The following UACA variants were observed in gnomAD, a reference collection of about 807,000 sequenced individuals.
UACA encodes the protein uveal autoantigen with coiled-coil domains and ankyrin repeats.
A neutral mutation model predicts 160.5 loss-of-function variants in UACA; 112 were observed. That is an observed-to-expected ratio of 0.70 (90% confidence interval 0.60 to 0.82). The LOEUF (loss-of-function observed/expected upper bound fraction) is 0.82, where lower values mean the gene tolerates loss of function less well. UACA is among the 40% of genes least tolerant of loss of function. UACA has a pLI of 0.00. For missense variants in UACA, 1,574 were observed against 1,614.6 expected, an observed-to-expected ratio of 0.97 and a Z score of 0.43; for synonymous variants, 557 against 568.4, an observed-to-expected ratio of 0.98 and a Z score of 0.29.
Position 70,690,491 on chromosome 15 carries a change from A to T in UACA, c.387T>A (p.His129Gln). ...KLLQYNCPTE[H>Q]ADLQGRTALH... ...GTGCAGTTCTTCCCTGCAGGTCTGC[A>T]TGCTCAGTGGGACAATTGTACTGTT... The change falls in exon 5 of 19, where the codon CAT (histidine) becomes CAA (glutamine). Residue 129 changes from histidine (H) to glutamine (Q), a missense_variant. By Grantham distance (24) the His-to-Gln change is conservative. Coordinates refer to ENST00000322954, the MANE Select transcript of UACA (RefSeq NM_018003.4). 6.2e-7 allele frequency: 1 copy of T among 1,613,156 alleles called. No individual in the cohort carries two copies. Among genetic ancestry groups the T allele is most frequent in the South Asian group, 1.1e-5 (1 of 90,950 alleles).
upstream of UACA, among the ~76,000 whole-genome samples, chr15:70,764,471 GTCT>G (rs2030952094): frequency 6.6e-6 from 1 of 152,172 alleles, no homozygotes; most frequent in Non-Finnish European, 1.5e-5. Flanking sequence ...ATCTTCAAAA[GTCT>G]TCTTTGGAGT....
chr15:70,664,999 T>C, intron 16 of UACA, 185 bp from the exon 17 acceptor site: 1 of 443,606 alleles, frequency 2.3e-6, no homozygotes, highest in Non-Finnish European at 3.9e-6. Flanking sequence ...ATTAAATCCC[T>C]CTCCAGAAAT....
chr15:70,676,642 G>C, intron 12 of UACA, 51 bp from the exon 13 acceptor site: 1 of 1,467,724 alleles, frequency 6.8e-7, no homozygotes, highest in Non-Finnish European at 9.5e-7. Flanking sequence ...CTTGGAATTG[G>C]ATTAAAAATG....
chr15:70,757,435 A>C, intron 1 of UACA, among the ~76,000 whole-genome samples: 2 of 152,330 alleles, frequency 1.3e-5, no homozygotes, highest in South Asian at 4.1e-4. Flanking sequence ...TAGGAGCTGT[A>C]AAGTTATGAT....
At chr15:70,678,342 T>C in intron 10 of UACA, 136 bp from the exon 11 acceptor site, 1 of 521,906 alleles carries the variant, frequency 1.9e-6, no homozygotes, top group Non-Finnish European at 3.3e-6. Flanking sequence ...ATACAATAAT[T>C]TCAATGATAT....
intron 1 of UACA, among the ~76,000 whole-genome samples, chr15:70,714,875 C>T (rs1898781130): frequency 6.6e-6 from 1 of 152,152 alleles, no homozygotes; most frequent in African/African-American, 2.4e-5. Context: ...TGTGGCTTCT[C>T]CACGTTTAAC....
intron 1 of UACA, among the ~76,000 whole-genome samples, chr15:70,744,200 G>A (rs1433374800): frequency 2.1e-5 from 3 of 139,876 alleles, no homozygotes; most frequent in Non-Finnish European, 4.5e-5. Context: ...AGTGAGTTGA[G>A]ATTACGCCAC....
In UACA at chr15:70,763,470, G is replaced by C. The variant is rs1259925145; in HGVS notation, c.-63C>G. On this transcript the variant is annotated 5_prime_UTR_variant, in exon 1 of 19. Transcript: ENST00000322954. ...GCTGCGGAGTGCCAGCGCGCAAGGA[G>C]TAGACGGCAGCGGCTGCAGCAGAGG... 5.5e-6 allele frequency: 7 copies of C among 1,266,544 alleles called. No individual in the cohort carries two copies. Among genetic ancestry groups the C allele is most frequent in the Non-Finnish European group, 7.0e-6 (7 of 997,912 alleles). The allele number at this position is 1,266,544 out of a possible 1,614,324, so 78.5% of individuals were successfully genotyped here.
intron 1 of UACA, chr15:70,703,378 A>G: frequency 1.2e-6 from 1 of 856,068 alleles, no homozygotes; most frequent in South Asian, 1.8e-5. Context: ...TACTTCCACA[A>G]GAAATCTGTT....
intron 1 of UACA, among the ~76,000 whole-genome samples, chr15:70,723,655 C>T (rs1899059112): frequency 1.4e-5 from 2 of 144,562 alleles, no homozygotes; most frequent in Admixed American, 7.0e-5. Context: ...TTTTTTGAGA[C>T]GGAGTCTCGC....
At chr15:70,774,950 C>G in the UACA span, among the ~76,000 whole-genome samples, 1 of 151,600 alleles carries the variant, frequency 6.6e-6, no homozygotes, top group Non-Finnish European at 1.5e-5. Flanking sequence ...AGCTACTGGT[C>G]GGGGGAGGCC....
upstream of UACA, chr15:70,763,609 CG>C (rs1595932273): frequency 8.8e-7 from 1 of 1,140,550 alleles, no homozygotes; most frequent in African/African-American, 1.6e-5. Context: ...GCTGCCCTGG[CG>C]GGGGCGTGGC....
At chr15:70,716,257 C>T (rs957153897) in intron 1 of UACA, among the ~76,000 whole-genome samples, 38 of 152,102 alleles carry the variant, frequency 2.5e-4, no homozygotes, top group Non-Finnish European at 8.8e-5. Flanking sequence ...AAAAAGAGCC[C>T]AGCCACCCAG....
chr15:70,662,867 T>C (rs1226178072), intron 17 of UACA, among the ~76,000 whole-genome samples: 1 of 152,104 alleles, frequency 6.6e-6, no homozygotes, highest in Non-Finnish European at 1.5e-5. Context: ...TAATTCAAGA[T>C]GGATTAAAGA....
At position 70,763,408 on chromosome 15, in the gene UACA, G is replaced by A. The variant is rs959225338; in HGVS notation, c.-1C>T. 1 of 1,317,208 alleles carries A rather than the reference G, an allele frequency of 7.6e-7. No individual in the cohort carries two copies. The highest frequency in any genetic ancestry group is 9.8e-7 in the Non-Finnish European group (1 of 1,025,066). The allele number at this position is 1,317,208 out of a possible 1,614,324, so 81.6% of individuals were successfully genotyped here. A position where few individuals can be genotyped will look rare whatever the true frequency, so the allele number is the denominator to read the frequency against. Reference sequence around the variant, plus strand: ...TCAGGCGGGACTTGAGGCTCTTCATGGCTAACTCTTGCCTGGCCCCCGCGC... The same window carrying A: ...TCAGGCGGGACTTGAGGCTCTTCATAGCTAACTCTTGCCTGGCCCCCGCGC... On this transcript the variant is annotated 5_prime_UTR_variant, in exon 1 of 19. Coordinates refer to ENST00000322954, the MANE Select transcript of UACA (RefSeq NM_018003.4).
At chr15:70,718,718 T>C (rs927385113) in intron 1 of UACA, among the ~76,000 whole-genome samples, 2 of 152,154 alleles carry the variant, frequency 1.3e-5, no homozygotes, top group Non-Finnish European at 2.9e-5. Context: ...TACTATAACA[T>C]GGCTGAACAC....
At chr15:70,687,895 T>C (rs1897788478) in intron 5 of UACA, 75 bp from the exon 6 acceptor site, 4 of 1,411,990 alleles carry the variant, frequency 2.8e-6, no homozygotes, top group African/African-American at 2.9e-5. Flanking sequence ...TAGGTCCATA[T>C]AAGGAATAAG....
the UACA span, among the ~76,000 whole-genome samples, chr15:70,775,976 A>C: frequency 6.6e-5 from 10 of 152,200 alleles, no homozygotes; most frequent in Non-Finnish European, 1.5e-4. Flanking sequence ...TTCCAGTTTC[A>C]TTCTTGATTC....
At chr15:70,764,034 C>A (rs2030938012), upstream of UACA, among the ~76,000 whole-genome samples, 1 of 152,188 alleles carries the variant, frequency 6.6e-6, no homozygotes, top group South Asian at 2.1e-4. Context: ...AACCACCACA[C>A]GCATCAAAAA....
Sources: allele counts gnomAD v4.1 joint callset (sites outside exome capture counted in the v4.1 genomes callset), GRCh38; gene constraint gnomAD v4.1.1; transcripts MANE v1.5; gene names NCBI Gene and HGNC (gene_info 2026-07-23, HGNC 2026-07-21).